The following AMMECR1 variants were observed in gnomAD, a reference collection of about 807,000 sequenced individuals.
The protein encoded by AMMECR1 is AMMECR nuclear protein 1.
AMMECR1 carries 3 observed loss-of-function variants against 22.5 expected under a neutral mutation model. The observed-to-expected ratio is 0.13, with a 90% CI of 0.06 to 0.35. The LOEUF (loss-of-function observed/expected upper bound fraction) is 0.35, where lower values mean the gene tolerates loss of function less well. Ranked by LOEUF, AMMECR1 falls within the 10% of genes least tolerant of loss-of-function variation. The probability of loss-of-function intolerance (pLI) is 1.00; values close to 1 mark genes in which losing one functional copy is unlikely to be tolerated. For missense variants in AMMECR1, 235 were observed against 278.7 expected (o/e 0.84, Z 1.12); for synonymous variants, 130 against 116.7 (o/e 1.11, Z -0.74).
intron 1 of AMMECR1, among the ~76,000 whole-genome samples, chrX:110,270,823 T>C (rs888344332): frequency 1.8e-5 from 2 of 112,305 alleles, no homozygotes; most frequent in Admixed American, 9.4e-5. Context: ...TTTTTCCTGT[T>C]GTCTAGCTGG....
At chrX:110,344,131 G>A (rs766932829) in intron 2 of AMMECR1, among the ~76,000 whole-genome samples, 4 of 111,911 alleles carry the variant, frequency 3.6e-5, no homozygotes, top group African/African-American at 1.3e-4. Flanking sequence ...GCATGGTACT[G>A]GTACCAAAAC....
intron 1 of AMMECR1, among the ~76,000 whole-genome samples, chrX:110,305,749 T>C (rs773414858): frequency 2.4e-4 from 27 of 111,466 alleles, no homozygotes; most frequent in Admixed American, 2.1e-3. Flanking sequence ...TATCCCATTA[T>C]GCAATTTATC....
intron 3 of AMMECR1, among the ~76,000 whole-genome samples, chrX:110,211,083 AC>A (rs2148167525): frequency 8.9e-6 from 1 of 112,329 alleles, no homozygotes; most frequent in East Asian, 2.8e-4. Context: ...GGAGAAAGTG[AC>A]TAATGGTTTG....
chrX:110,258,712 C>A (rs895124722), intron 2 of AMMECR1, among the ~76,000 whole-genome samples: 1 of 111,859 alleles, frequency 8.9e-6, no homozygotes, highest in African/African-American at 3.3e-5. Flanking sequence ...AATTGTTTGG[C>A]CTTAACATCT....
chrX:110,255,974 TAAC>T (rs2148194069), intron 2 of AMMECR1, among the ~76,000 whole-genome samples: 1 of 112,467 alleles, frequency 8.9e-6, no homozygotes, highest in South Asian at 3.6e-4. Flanking sequence ...TATTTGATAT[TAAC>T]AATAATTAGA....
rs543329650 is a variant in AMMECR1 at position 110,310,785 on chromosome X, A to G, written c.473+6814T>C. On this transcript the variant is annotated intron_variant, in intron 1 of 5. Coordinates refer to ENST00000262844, the MANE Select transcript of AMMECR1 (RefSeq NM_015365.3). ...CAATTCTCAATTTTGCAACATTCCTATATTCACAAACTCTGCCCCTGGGGT... is the reference window on the plus strand; with the variant it reads ...CAATTCTCAATTTTGCAACATTCCTGTATTCACAAACTCTGCCCCTGGGGT... 4.5e-5 allele frequency among the ~76,000 whole-genome samples: 5 copies of G among 111,693 alleles called. No homozygotes were observed. In the South Asian group the frequency reaches 1.9e-3, roughly 42 times the overall value.
intron 3 of AMMECR1, among the ~76,000 whole-genome samples, chrX:110,215,746 A>G (rs1048416104): frequency 2.7e-5 from 3 of 111,550 alleles, no homozygotes; most frequent in African/African-American, 9.8e-5. Flanking sequence ...ACTTTTATAC[A>G]TGGAGCACAT....
chrX:110,433,543 G>A (rs1411913757), intron 1 of AMMECR1, among the ~76,000 whole-genome samples: 2 of 111,661 alleles, frequency 1.8e-5, no homozygotes, highest in African/African-American at 6.5e-5. Flanking sequence ...ACATTGTGAA[G>A]TTTATATGTT....
At chrX:110,280,685 A>G (rs1481369246) in intron 1 of AMMECR1, among the ~76,000 whole-genome samples, 1 of 111,903 alleles carries the variant, frequency 8.9e-6, no homozygotes, top group Admixed American at 9.5e-5. Context: ...ATGAAAATGT[A>G]TAATGTTTCC....
intron 2 of AMMECR1, among the ~76,000 whole-genome samples, chrX:110,385,395 G>T (rs775290433): frequency 9.0e-6 from 1 of 111,294 alleles, no homozygotes; most frequent in African/African-American, 3.3e-5. Context: ...AAAGTGTACA[G>T]TTCAGTCATT....
intron 2 of AMMECR1, among the ~76,000 whole-genome samples, chrX:110,343,201 T>A (rs1348002681): frequency 1.8e-5 from 2 of 111,922 alleles, no homozygotes; most frequent in African/African-American, 6.5e-5. Flanking sequence ...CGCAAATCAA[T>A]AAATGTAATC....
chrX:110,225,382 TATC>T (rs1184709993), intron 2 of AMMECR1, among the ~76,000 whole-genome samples: 3 of 112,560 alleles, frequency 2.7e-5, no homozygotes, highest in Non-Finnish European at 5.6e-5. Flanking sequence ...TTATCACTGT[TATC>T]ATCAGCCCAT....
At chrX:110,328,872 A>G (rs2068109398) in intron 2 of AMMECR1, among the ~76,000 whole-genome samples, 2 of 112,256 alleles carry the variant, frequency 1.8e-5, no homozygotes, top group African/African-American at 3.2e-5. Context: ...ATCCAACGAT[A>G]GGCATTTGGG....
intron 2 of AMMECR1, among the ~76,000 whole-genome samples, chrX:110,391,989 C>A (rs2209183): frequency 0.013 from 1,431 of 112,212 alleles, 17 homozygotes; most frequent in Middle Eastern, 0.028. Flanking sequence ...CATAATGTTT[C>A]ATTTAAAAGA....
At chrX:110,333,013 C>G (rs1016973632) in intron 2 of AMMECR1, among the ~76,000 whole-genome samples, 2 of 111,921 alleles carry the variant, frequency 1.8e-5, no homozygotes, top group Admixed American at 1.9e-4. Context: ...CCTGCTATCA[C>G]CACCAATGTG....
chrX:110,257,634 A>G (rs990951515), intron 2 of AMMECR1, among the ~76,000 whole-genome samples: 2 of 112,257 alleles, frequency 1.8e-5, no homozygotes, highest in Non-Finnish European at 3.8e-5. Flanking sequence ...AGAAAGTGGT[A>G]CATACTGTTT....
intron 2 of AMMECR1, among the ~76,000 whole-genome samples, chrX:110,263,375 C>T (rs1364704021): frequency 1.8e-5 from 2 of 111,440 alleles, no homozygotes; most frequent in African/African-American, 6.5e-5. Context: ...TGAATATGAT[C>T]CCCCAAGCCA....
chrX:110,225,666 T>C (rs185548350), intron 2 of AMMECR1, among the ~76,000 whole-genome samples: 3 of 112,548 alleles, frequency 2.7e-5, no homozygotes, highest in East Asian at 5.5e-4. Context: ...TCTGAAGTAT[T>C]TCCTTTAAGC....
rs974317684 is a variant in AMMECR1 at position 110,202,484 on chromosome X, C to T, written c.752G>A (p.Arg251His). The T allele has an allele frequency of 2.5e-5, 30 of 1,208,861 alleles. No homozygotes were observed. Among genetic ancestry groups the T allele is most frequent in the East Asian group, 3.0e-5 (1 of 33,799 alleles). Residue 251 changes from arginine (R) to histidine (H), a missense_variant, in exon 4 of 6, where the codon CGC (arginine) becomes CAC (histidine). Arg to His is a conservative substitution (Grantham distance 29). Coordinates refer to ENST00000262844, the MANE Select transcript of AMMECR1 (RefSeq NM_015365.3). Reference protein sequence around the residue: ...IEFINEKGSKRTATYLPEVAK... With the variant: ...IEFINEKGSKHTATYLPEVAK... ...AACCTCCGGTAGGTAGGTGGCGGTG[C>T]GTTTTGATCCTTTTTCATTGATGAA... is the stretch of plus-strand genomic sequence containing the variant.
Sources: gnomAD v4.1 joint callset for allele counts (sites outside exome capture counted in the v4.1 genomes callset) on GRCh38, gnomAD v4.1.1 for gene constraint, MANE v1.5 for transcripts, NCBI Gene and HGNC (gene_info 2026-07-23, HGNC 2026-07-21) for gene names.